The following POU6F2 variants were observed in gnomAD, a reference collection of about 807,000 sequenced individuals.
POU6F2 encodes the protein POU domain, class 6, transcription factor 2.
In POU6F2, 31 loss-of-function variants were observed where a neutral mutation model predicts 71.3. The observed-to-expected ratio is 0.43, with a 90% CI of 0.33 to 0.59. The LOEUF (loss-of-function observed/expected upper bound fraction) is 0.59, where lower values mean the gene tolerates loss of function less well. Ranked by LOEUF, POU6F2 falls within the 20% of genes least tolerant of loss-of-function variation. The probability of loss-of-function intolerance (pLI) is 0.04; values close to 1 mark genes in which losing one functional copy is unlikely to be tolerated. For missense variants in POU6F2, 783 were observed against 856.8 expected, an observed-to-expected ratio of 0.91 and a Z score of 1.07; for synonymous variants, 347 against 355.7, an observed-to-expected ratio of 0.98 and a Z score of 0.27.
chr7:39,358,060 C>T (rs1786296957), intron 5 of POU6F2, among the ~76,000 whole-genome samples: 1 of 152,128 alleles, frequency 6.6e-6, no homozygotes, highest in Non-Finnish European at 1.5e-5. Flanking sequence ...ATTTAGATTA[C>T]AATTCAAGCA....
intron 2 of POU6F2, among the ~76,000 whole-genome samples, chr7:39,128,202 G>A (rs1389142079): frequency 6.6e-6 from 1 of 152,078 alleles, no homozygotes; most frequent in Non-Finnish European, 1.5e-5. Context: ...AGAAGAAGCA[G>A]CTTAGAAAAT....
At chr7:39,251,354 G>A (rs1265345883) in intron 4 of POU6F2, among the ~76,000 whole-genome samples, 2 of 152,164 alleles carry the variant, frequency 1.3e-5, no homozygotes, top group Non-Finnish European at 2.9e-5. Context: ...AGTTATTATA[G>A]TGAGCAGTGT....
intron 1 of POU6F2, among the ~76,000 whole-genome samples, chr7:39,007,050 T>C (rs1405800048): frequency 6.6e-6 from 1 of 152,206 alleles, no homozygotes; most frequent in Non-Finnish European, 1.5e-5. Context: ...TATGCCAGAA[T>C]TATTCCTTAA....
intron 8 of POU6F2, among the ~76,000 whole-genome samples, chr7:39,452,877 G>A (rs1788694607): frequency 6.6e-6 from 1 of 152,186 alleles, no homozygotes; most frequent in Non-Finnish European, 1.5e-5. Flanking sequence ...CAGATCACCT[G>A]AGGTCAGGAG....
chr7:39,459,451 G>C (rs373345649), intron 8 of POU6F2, among the ~76,000 whole-genome samples: 1 of 131,672 alleles, frequency 7.6e-6, no homozygotes. Context: ...CTGGTTTTGT[G>C]GGTTTTGTTT....
chr7:39,195,962 T>A (rs907694790), intron 2 of POU6F2, among the ~76,000 whole-genome samples: 3 of 152,174 alleles, frequency 2.0e-5, no homozygotes, highest in Admixed American at 2.0e-4. Context: ...TCCCACAATT[T>A]CAAAGATTAT....
At chr7:39,072,472 A>G (rs1022440040) in intron 1 of POU6F2, among the ~76,000 whole-genome samples, 6 of 152,190 alleles carry the variant, frequency 3.9e-5, no homozygotes, top group Middle Eastern at 3.2e-3. Context: ...AACAGAGCCA[A>G]TTGTTTATGA....
chr7:39,422,896 G>A (rs3819426), intron 6 of POU6F2, among the ~76,000 whole-genome samples: 44,953 of 151,926 alleles, frequency 0.3, 7,049 homozygotes, highest in East Asian at 0.54. Context: ...GATATTTCTC[G>A]GACTCTCAAG....
At chr7:39,128,413 C>T (rs1047671268) in intron 2 of POU6F2, among the ~76,000 whole-genome samples, 2 of 152,106 alleles carry the variant, frequency 1.3e-5, no homozygotes, top group Non-Finnish European at 2.9e-5. Context: ...ACATAAATTG[C>T]ATGTTAGGGT....
intron 5 of POU6F2, among the ~76,000 whole-genome samples, chr7:39,343,728 C>A (rs564347353): frequency 8.5e-5 from 13 of 152,148 alleles, no homozygotes; most frequent in African/African-American, 3.1e-4. Context: ...TAACTCATAA[C>A]TTTGGATAGG....
At chr7:39,064,656 C>A (rs1452315180) in intron 1 of POU6F2, among the ~76,000 whole-genome samples, 1 of 151,774 alleles carries the variant, frequency 6.6e-6, no homozygotes, top group African/African-American at 2.4e-5. Flanking sequence ...TTAAATTTCT[C>A]TGTAAGATAT....
chr7:39,430,567 C>A (rs192829076), intron 6 of POU6F2, among the ~76,000 whole-genome samples: 4 of 152,352 alleles, frequency 2.6e-5, no homozygotes, highest in Non-Finnish European at 5.9e-5. Flanking sequence ...ATTTGCCTTT[C>A]TTCTTTCCAC....
intron 2 of POU6F2, among the ~76,000 whole-genome samples, chr7:39,157,924 T>C (rs1792905652): frequency 6.6e-6 from 1 of 152,196 alleles, no homozygotes; most frequent in Non-Finnish European, 1.5e-5. Context: ...GTAGCCGAAA[T>C]ATCTCCTTGG....
At chr7:39,248,117 A>C (rs976172352) in intron 4 of POU6F2, among the ~76,000 whole-genome samples, 2 of 152,160 alleles carry the variant, frequency 1.3e-5, no homozygotes, top group Non-Finnish European at 2.9e-5. Context: ...AAAAAGAAAG[A>C]AAGCACAGTG....
intron 6 of POU6F2, among the ~76,000 whole-genome samples, chr7:39,423,285 C>T (rs1346166513): frequency 6.6e-6 from 1 of 152,198 alleles, no homozygotes; most frequent in East Asian, 1.9e-4. Flanking sequence ...CCTAGGTTTT[C>T]TTCTCCACTG....
intron 9 of POU6F2, among the ~76,000 whole-genome samples, chr7:39,462,336 AAAAG>A (rs1414360088): frequency 2.0e-5 from 3 of 152,190 alleles, no homozygotes; most frequent in Admixed American, 6.5e-5. Flanking sequence ...ATCTACCAAG[AAAAG>A]AAAGAAAGAC....
chr7:39,352,039 A>G (rs1282878983), intron 5 of POU6F2, among the ~76,000 whole-genome samples: 1 of 152,200 alleles, frequency 6.6e-6, no homozygotes, highest in African/African-American at 2.4e-5. Context: ...TGTAGCTTAC[A>G]TCTTTCTCAT....
intron 8 of POU6F2, among the ~76,000 whole-genome samples, chr7:39,452,699 A>G (rs967075544): frequency 6.6e-6 from 1 of 152,246 alleles, no homozygotes; most frequent in African/African-American, 2.4e-5. Flanking sequence ...AAATAATTAC[A>G]TACATATATG....
At chr7:39,238,131 T>C (rs914378211) in intron 4 of POU6F2, among the ~76,000 whole-genome samples, 15 of 152,104 alleles carry the variant, frequency 9.9e-5, no homozygotes, top group Non-Finnish European at 2.2e-4. Flanking sequence ...TAAATGTGCA[T>C]GGAAAGAGCA....
Sources: allele counts gnomAD v4.1 joint callset (sites outside exome capture counted in the v4.1 genomes callset), GRCh38; gene constraint gnomAD v4.1.1; transcripts MANE v1.5; gene names NCBI Gene and HGNC (gene_info 2026-07-23, HGNC 2026-07-21).